The following C10orf67 variants were observed in gnomAD, a reference collection of about 807,000 sequenced individuals.
C10orf67 encodes the protein chromosome 10 open reading frame 67, also known as uncharacterized protein C10orf67, mitochondrial.
In C10orf67, 60 loss-of-function variants were observed where a neutral mutation model predicts 35.6. That is an observed-to-expected ratio of 1.68 (90% CI 1.37 to 2.09). C10orf67 has a LOEUF of 2.09. Ranked by LOEUF, C10orf67 falls within the 30% of genes most tolerant of loss-of-function variation. The pLI is 0.00. For synonymous variants in C10orf67, 167 were observed against 115.8 expected (o/e 1.44, Z -2.84); for missense variants, 474 against 330.2 (o/e 1.44, Z -3.38).
chr10:23,323,505 C>G (rs151304575), intron 2 of C10orf67, among the ~76,000 whole-genome samples: 1 of 151,942 alleles, frequency 6.6e-6, no homozygotes, highest in South Asian at 2.1e-4. Flanking sequence ...AAAATTTATT[C>G]TCTATGTAAT....
At chr10:23,216,505 C>A (rs572768345) in intron 15 of C10orf67, among the ~76,000 whole-genome samples, 3 of 152,094 alleles carry the variant, frequency 2.0e-5, no homozygotes, top group South Asian at 4.1e-4. Flanking sequence ...TTTAGTAAAC[C>A]TCTCACACAT....
intron 10 of C10orf67, among the ~76,000 whole-genome samples, chr10:23,264,606 C>T (rs1165467923): frequency 6.6e-6 from 1 of 152,136 alleles, no homozygotes; most frequent in African/African-American, 2.4e-5. Context: ...ATATCTCTGC[C>T]CCTTGTGGCT....
At chr10:23,293,817 T>C (rs1843795172) in intron 5 of C10orf67, among the ~76,000 whole-genome samples, 1 of 152,228 alleles carries the variant, frequency 6.6e-6, no homozygotes, top group African/African-American at 2.4e-5. Context: ...AGAATCATTT[T>C]TGAAAACAGG....
chr10:23,224,761 T>C (rs958182661), intron 13 of C10orf67, among the ~76,000 whole-genome samples: 2 of 151,994 alleles, frequency 1.3e-5, no homozygotes, highest in African/African-American at 4.8e-5. Flanking sequence ...TTCGATCAAA[T>C]GGAAGAAAAA....
At chr10:23,242,829 A>C (rs1842218011) in intron 12 of C10orf67, among the ~76,000 whole-genome samples, 1 of 152,170 alleles carries the variant, frequency 6.6e-6, no homozygotes, top group East Asian at 1.9e-4. Flanking sequence ...GGAGAGAAGA[A>C]GAAATATAAA....
At chr10:23,269,474 T>C (rs916732428) in intron 8 of C10orf67, among the ~76,000 whole-genome samples, 4 of 151,972 alleles carry the variant, frequency 2.6e-5, no homozygotes, top group Non-Finnish European at 4.4e-5. Context: ...AACAGAGGAA[T>C]GACAACAACA....
chr10:23,278,565 C>T (rs897126541), intron 8 of C10orf67, among the ~76,000 whole-genome samples: 15 of 152,140 alleles, frequency 9.9e-5, no homozygotes, highest in African/African-American at 3.6e-4. Context: ...AGATAACAGG[C>T]CATCTCTATA....
intron 5 of C10orf67, among the ~76,000 whole-genome samples, chr10:23,298,909 T>C (rs934400973): frequency 3.3e-5 from 5 of 152,202 alleles, no homozygotes; most frequent in South Asian, 2.1e-4. Flanking sequence ...CTTGGGCTAA[T>C]AGTCTTGGGT....
chr10:23,334,080 G>A (rs1232900967), intron 1 of C10orf67, among the ~76,000 whole-genome samples: 1 of 151,946 alleles, frequency 6.6e-6, no homozygotes, highest in East Asian at 1.9e-4. Flanking sequence ...TTCCAATCTG[G>A]CAACTATCAA....
intron 15 of C10orf67, among the ~76,000 whole-genome samples, chr10:23,220,388 G>T (rs1841546002): frequency 6.6e-6 from 1 of 152,120 alleles, no homozygotes; most frequent in African/African-American, 2.4e-5. Flanking sequence ...ATGAGGTGGG[G>T]TTGCCGTGTC....
intron 2 of C10orf67, among the ~76,000 whole-genome samples, chr10:23,323,488 T>TA (rs577286219): frequency 8.0e-5 from 12 of 149,794 alleles, no homozygotes; most frequent in South Asian, 2.1e-4. Flanking sequence ...AAGAGAGATC[T>TA]AAAAAAAAAA....
chr10:23,318,534 T>C (rs978959275), intron 4 of C10orf67: 3 of 204,962 alleles, frequency 1.5e-5, no homozygotes, highest in African/African-American at 6.9e-5. Context: ...TCTGTGTTTA[T>C]CAGCAAGTCA....
chr10:23,223,564 T>C (rs1841648784), intron 15 of C10orf67, 34 bp downstream of exon 15: 1 of 717,004 alleles, frequency 1.4e-6, no homozygotes, highest in Non-Finnish European at 2.6e-6. Context: ...GCCATTCTGG[T>C]GTGAACCTCA....
At chr10:23,233,699 T>C (rs1841969882) in intron 13 of C10orf67, among the ~76,000 whole-genome samples, 1 of 152,180 alleles carries the variant, frequency 6.6e-6, no homozygotes, top group Non-Finnish European at 1.5e-5. Flanking sequence ...GGGGAATATA[T>C]TGATGAAATT....
intron 13 of C10orf67, among the ~76,000 whole-genome samples, chr10:23,232,143 T>A (rs1841930444): frequency 6.6e-6 from 1 of 152,208 alleles, no homozygotes; most frequent in Non-Finnish European, 1.5e-5. Context: ...CGTGTTATTA[T>A]CAATCTTTAA....
intron 2 of C10orf67, among the ~76,000 whole-genome samples, chr10:23,328,993 C>CAAAAAAAAAAAA (rs57772405): frequency 3.0e-3 from 234 of 78,592 alleles, no homozygotes; most frequent in Middle Eastern, 8.2e-3. Flanking sequence ...CATAAACGAA[C>CAAAAAAAAAAAA]AAAAAAAAAA....
In C10orf67 at chr10:23,309,398, G is replaced by T. The variant is rs12217944; in HGVS notation, c.547-5939C>A. Among the ~76,000 whole-genome samples, 9,117 of 152,136 alleles carry T rather than the reference G, an allele frequency of 0.06. 1,249 individuals are homozygous for T. The East Asian group carries it at 0.62, about 10-fold the overall frequency. Reference sequence around the variant, plus strand: ...CACTGGGGACTCCAAAAGGGAAAAAGGTGGCAGGGAGACTAGGGTTGAAAT... The same window carrying T: ...CACTGGGGACTCCAAAAGGGAAAAATGTGGCAGGGAGACTAGGGTTGAAAT... On this transcript the variant is annotated intron_variant, in intron 4 of 15. Transcript: ENST00000636213.
chr10:23,214,763 C>G (rs553339488), intron 15 of C10orf67, among the ~76,000 whole-genome samples: 17 of 152,064 alleles, frequency 1.1e-4, no homozygotes, highest in Non-Finnish European at 2.4e-4. Flanking sequence ...GGCTCACGCC[C>G]GTAATCCCCA....
intron 7 of C10orf67, among the ~76,000 whole-genome samples, chr10:23,282,739 G>A (rs755099898): frequency 6.6e-6 from 1 of 152,214 alleles, no homozygotes; most frequent in Non-Finnish European, 1.5e-5. Context: ...GCTGAAGCAG[G>A]AGGATTGCTT....
Sources: allele counts gnomAD v4.1 joint callset (sites outside exome capture counted in the v4.1 genomes callset), GRCh38; gene constraint gnomAD v4.1.1; transcripts MANE v1.5; gene names NCBI Gene and HGNC (gene_info 2026-07-23, HGNC 2026-07-21).